The following NXPH2 variants were observed in gnomAD, a reference collection of about 807,000 sequenced individuals.
NXPH2 encodes neurexophilin-2.
NXPH2 carries 5 observed loss-of-function variants against 19.8 expected under a neutral mutation model. The observed-to-expected ratio is 0.25, with a 90% confidence interval of 0.13 to 0.53. The LOEUF is 0.53. Ranked by LOEUF, NXPH2 falls within the 20% of genes least tolerant of loss-of-function variation. NXPH2 has a pLI of 0.96. For missense variants in NXPH2, 289 were observed against 322.8 expected (o/e 0.90, Z 0.80); for synonymous variants, 154 against 127.4 (o/e 1.21, Z -1.41).
At chr2:138,754,669 G>A (rs1681879642) in intron 1 of NXPH2, among the ~76,000 whole-genome samples, 1 of 152,024 alleles carries the variant, frequency 6.6e-6, no homozygotes, top group Non-Finnish European at 1.5e-5. Context: ...GACATTTTTT[G>A]TGGAAATAAG....
At chr2:138,703,541 T>C in intron 1 of NXPH2, among the ~76,000 whole-genome samples, 1 of 152,154 alleles carries the variant, frequency 6.6e-6, no homozygotes, top group East Asian at 1.9e-4. Flanking sequence ...CCAGTAGGCA[T>C]TGGAGAGGTT....
In NXPH2 at chr2:138,671,437, A is replaced by G. The variant is rs1399701966; in HGVS notation, c.280T>C (p.Leu94=). The change falls in exon 2 of 2, where the codon TTG becomes CTG. Residue 94 remains leucine (L), a synonymous_variant. Transcript: ENST00000272641. ...ATTGGCCTCCGTTTAGTTCTTGCCA[A>G]TGGCTCCTGAATCTCCGTGATGTTG... ...LANITEIQEP[L]ARTKRRPIVK... is the part of the protein sequence containing the mutation. The G allele has an allele frequency of 1.9e-6, 3 of 1,613,972 alleles. No individual in the cohort carries two copies. The highest frequency in any genetic ancestry group is 1.1e-5 in the South Asian group (1 of 91,074).
chr2:138,758,457 G>A (rs1681949485), intron 1 of NXPH2, among the ~76,000 whole-genome samples: 1 of 152,058 alleles, frequency 6.6e-6, no homozygotes, highest in Non-Finnish European at 1.5e-5. Flanking sequence ...ATTTTGACTT[G>A]CTCAAGGTCA....
intron 1 of NXPH2, among the ~76,000 whole-genome samples, chr2:138,729,006 G>T (rs1447606056): frequency 2.6e-5 from 4 of 152,262 alleles, no homozygotes; most frequent in Admixed American, 2.0e-4. Context: ...TTAGGATTTT[G>T]CTTCTATTTC....
chr2:138,741,668 C>T lies in NXPH2; in HGVS notation c.51+38523G>A, dbSNP rs555035587. Reference sequence around the variant, plus strand: ...CAAAATAATGTATATTAAAGCAGCACAAGTGGCAGAAATTGATGTGAAAGC... The same window carrying T: ...CAAAATAATGTATATTAAAGCAGCATAAGTGGCAGAAATTGATGTGAAAGC... On this transcript the variant is annotated intron_variant, in intron 1 of 1. Coordinates refer to ENST00000272641, the MANE Select transcript of NXPH2 (RefSeq NM_007226.3). 1.3e-3 allele frequency among the ~76,000 whole-genome samples: 205 copies of T among 152,178 alleles called. 1 individual carries two copies. Among genetic ancestry groups the T allele is most frequent in the Non-Finnish European group, 2.4e-3 (162 of 68,036 alleles).
chr2:138,735,639 A>G (rs1681527933), intron 1 of NXPH2, among the ~76,000 whole-genome samples: 1 of 152,134 alleles, frequency 6.6e-6, no homozygotes, highest in Non-Finnish European at 1.5e-5. Context: ...GGCCCCTCCA[A>G]ATCTCATGTC....
At chr2:138,690,835 A>G (rs1463523114) in intron 1 of NXPH2, among the ~76,000 whole-genome samples, 1 of 152,250 alleles carries the variant, frequency 6.6e-6, no homozygotes, top group East Asian at 1.9e-4. Context: ...CCTTGTAAAC[A>G]AATGCATTCA....
chr2:138,731,309 C>T (rs1005400391), intron 1 of NXPH2, among the ~76,000 whole-genome samples: 4 of 151,904 alleles, frequency 2.6e-5, no homozygotes, highest in Non-Finnish European at 4.4e-5. Context: ...TGAAAGCAAA[C>T]TGATAGGATT....
chr2:138,756,344 A>G (rs528140947), intron 1 of NXPH2, among the ~76,000 whole-genome samples: 1 of 152,124 alleles, frequency 6.6e-6, no homozygotes, highest in South Asian at 2.1e-4. Flanking sequence ...TCTTGCAGAA[A>G]CCACACTTAC....
At chr2:138,726,338 T>A (rs1435024045) in intron 1 of NXPH2, among the ~76,000 whole-genome samples, 1 of 152,110 alleles carries the variant, frequency 6.6e-6, no homozygotes, top group African/African-American at 2.4e-5. Flanking sequence ...AGCCACCAGG[T>A]CGGCCTGCCA....
At chr2:138,755,834 T>G (rs1442750435) in intron 1 of NXPH2, among the ~76,000 whole-genome samples, 1 of 152,206 alleles carries the variant, frequency 6.6e-6, no homozygotes, top group East Asian at 1.9e-4. Context: ...TTTAGATTTT[T>G]TTTTGTTTTC....
intron 1 of NXPH2, among the ~76,000 whole-genome samples, chr2:138,759,753 G>A (rs1364634107): frequency 3.7e-5 from 5 of 135,580 alleles, no homozygotes; most frequent in Admixed American, 3.3e-4. Context: ...TTTTTGAGAC[G>A]GAGTCTTGCT....
At chr2:138,774,459 A>C (rs954652013) in intron 1 of NXPH2, among the ~76,000 whole-genome samples, 1 of 152,258 alleles carries the variant, frequency 6.6e-6, no homozygotes. Flanking sequence ...ATTTAAAACA[A>C]TTACATTTTT....
intron 1 of NXPH2, among the ~76,000 whole-genome samples, chr2:138,689,263 C>A (rs941570878): frequency 7.2e-5 from 11 of 152,184 alleles, no homozygotes; most frequent in Admixed American, 2.0e-4. Flanking sequence ...AGCTGCAAAC[C>A]ATTCCTGATG....
At chr2:138,720,939 G>A (rs897129974) in intron 1 of NXPH2, among the ~76,000 whole-genome samples, 1 of 152,336 alleles carries the variant, frequency 6.6e-6, no homozygotes, top group African/African-American at 2.4e-5. Flanking sequence ...TGGAAATAGG[G>A]CAGAGAAGGT....
At chr2:138,735,946 TCTC>T (rs1205819036) in intron 1 of NXPH2, among the ~76,000 whole-genome samples, 25 of 152,158 alleles carry the variant, frequency 1.6e-4, no homozygotes, top group African/African-American at 5.8e-4. Context: ...TCCAAAATGA[TCTC>T]CTTTGAATCC....
intron 1 of NXPH2, among the ~76,000 whole-genome samples, chr2:138,713,790 C>G (rs1321792381): frequency 2.6e-5 from 4 of 152,112 alleles, no homozygotes. Context: ...CAAATCACAA[C>G]GTACTCATCA....
intron 1 of NXPH2, among the ~76,000 whole-genome samples, chr2:138,706,436 C>T (rs750877557): frequency 6.6e-5 from 10 of 152,112 alleles, no homozygotes; most frequent in Non-Finnish European, 1.3e-4. Context: ...CCAAGTATCC[C>T]GAATGCACAC....
intron 1 of NXPH2, among the ~76,000 whole-genome samples, chr2:138,767,041 C>T (rs186932100): frequency 6.6e-6 from 1 of 152,228 alleles, no homozygotes; most frequent in African/African-American, 2.4e-5. Flanking sequence ...GGCATGCTTG[C>T]CCACTTTTAC....
Sources: gnomAD v4.1 joint callset for allele counts (sites outside exome capture counted in the v4.1 genomes callset) on GRCh38, gnomAD v4.1.1 for gene constraint, MANE v1.5 for transcripts, NCBI Gene and HGNC (gene_info 2026-07-23, HGNC 2026-07-21) for gene names.